CHPF: variants seen among roughly 807,000 people sequenced by gnomAD.
CHPF encodes the protein chondroitin polymerizing factor.
In CHPF, 34 loss-of-function variants were observed where a neutral mutation model predicts 55.1. The observed-to-expected ratio is 0.62, with a 90% CI of 0.47 to 0.82. The LOEUF (loss-of-function observed/expected upper bound fraction) is 0.82, where lower values mean the gene tolerates loss of function less well. CHPF is among the 40% of genes least tolerant of loss of function. The pLI, the probability that CHPF is intolerant of heterozygous loss-of-function variation, is 0.00. For synonymous variants in CHPF, 489 were observed against 496.6 expected (o/e 0.98, Z 0.20); for missense variants, 961 against 1,106.1 (o/e 0.87, Z 1.86).
rs1695319479 is a variant in CHPF, at chr2:219,543,354, G to A, written c.185C>T (p.Pro62Leu). ...CTCCGCTCCGGGCTGCACCGAGTTG[G>A]GCCGGCGCGCCGCGTTGGTGTTGCC... ...PRGNTNAARR[P>L]NSVQPGAERE... The change falls in exon 1 of 4, where the codon CCC becomes CTC. Residue 62 changes from proline to leucine, a missense_variant. Transcript: ENST00000243776. The A allele has an allele frequency of 6.4e-7, 1 of 1,564,270 alleles. No individual in the cohort carries two copies. The highest frequency in any genetic ancestry group is 8.6e-7 in the Non-Finnish European group (1 of 1,164,976).
rs1695225695 is a variant in CHPF, at chr2:219,539,836, C to T, written c.1875G>A (p.Leu625=). 3.1e-6 allele frequency: 5 copies of T among 1,613,588 alleles called. No individual in the cohort carries two copies. The highest frequency in any genetic ancestry group is 1.6e-4 in the Middle Eastern group (1 of 6,062). The change falls in exon 4 of 4, where the codon CTG becomes CTA. Residue 625 remains leucine (L), a synonymous_variant. Coordinates refer to ENST00000243776, the MANE Select transcript of CHPF (RefSeq NM_024536.6). ...AGATGGCATGCATGCGGCAGCGGTT[C>T]AGGAAGTCAGGCGTGAGCACCGTGT... ...GPDTVLTPDF[L]NRCRMHAISG... is the part of the protein sequence containing the mutation.
In CHPF at chr2:219,540,021, C is replaced by A. The variant is rs750009264; in HGVS notation, c.1690G>T (p.Ala564Ser). Residue 564 changes from alanine (A) to serine (S), a missense_variant, in exon 4 of 4, where the codon GCA (alanine) becomes TCA (serine). By Grantham distance (99) the Ala-to-Ser change is moderately conservative. Transcript: ENST00000243776. ...TCTGCCACGTGGGCCTTGACAGGTG[C>A]GAAGACATCTGCATGGGCCACGCGC... ...AQRVAHADVFAPVKAHVAELE... is the reference protein window; with the variant it reads ...AQRVAHADVFSPVKAHVAELE... The A allele has an allele frequency of 2.5e-6, 4 of 1,613,308 alleles. No homozygotes were observed. In the African/African-American group the frequency reaches 5.3e-5, roughly 22 times the overall value.
In CHPF at chr2:219,541,603, C is replaced by T. The variant is rs774914736; in HGVS notation, c.888+13G>A. The T allele has an allele frequency of 1.1e-5, 17 of 1,540,176 alleles. No homozygotes were observed. The African/African-American group carries it at 2.2e-4, about 20-fold the overall frequency. On this transcript the variant is annotated intron_variant, in intron 2 of 3. Transcript: ENST00000243776. ...TGACAAGGAGGTATCAGTGGGATAG[C>T]TTATCATCCCACCTCGTGGTCACCA...
intron 2 of CHPF, 102 bp from the exon 3 acceptor site, chr2:219,541,227 G>T (rs931433309): frequency 4.4e-6 from 5 of 1,143,040 alleles, no homozygotes; most frequent in South Asian, 1.8e-5. Flanking sequence ...TTGTGGACTT[G>T]CAGTCTGAGG....
rs371656584 is a variant in CHPF at position 219,539,536 on chromosome 2, C to T, written c.2175G>A (p.Pro725=). ...SSLHVLRAVE[P]ALLQRYRAQT... ...GGGCCCGGTAGCGCTGCAGCAGCGC[C>T]GGCTCCACCGCCCGCAGCACATGCA... The change falls in exon 4 of 4, where the codon CCG becomes CCA. Residue 725 remains proline (P), a synonymous_variant. Coordinates refer to ENST00000243776, the MANE Select transcript of CHPF (RefSeq NM_024536.6). The T allele has an allele frequency of 1.3e-5, 21 of 1,613,820 alleles. No homozygotes were observed. Among genetic ancestry groups the T allele is most frequent in the Middle Eastern group, 1.7e-4 (1 of 6,056 alleles).
intron 2 of CHPF, 113 bp from the exon 3 acceptor site, chr2:219,541,238 G>T: frequency 9.5e-7 from 1 of 1,051,368 alleles, no homozygotes; most frequent in Non-Finnish European, 1.3e-6. Flanking sequence ...CAGTCTGAGG[G>T]TTTAAGTCTA....
Position 219,542,243 on chromosome 2 carries a change from G to C in CHPF, c.315-54C>G. On this transcript the variant is annotated intron_variant, in intron 1 of 3. Transcript: ENST00000243776. The stretch of plus-strand genomic sequence containing the variant: ...AAAAGGACAACGGGGCGGGGGGTGG[G>C]GGGGAGGTGGTCAGCACAGACCCTG... The C allele has an allele frequency of 4.2e-6, 2 of 481,016 alleles. 1 individual carries two copies. Among genetic ancestry groups the C allele is most frequent in the Non-Finnish European group, 6.5e-6 (2 of 305,474 alleles). 29.8% of individuals were successfully genotyped at this position (481,016 alleles called of 1,614,324 possible).
rs1394022907 is a variant in CHPF at position 219,543,577 on chromosome 2, C to G, written c.-39G>C. 1 of 1,310,352 alleles carries G rather than the reference C, an allele frequency of 7.6e-7. No homozygotes were observed. The highest frequency in any genetic ancestry group is 9.7e-7 in the Non-Finnish European group (1 of 1,030,284). The allele number at this position is 1,310,352 out of a possible 1,614,324, so 81.2% of individuals were successfully genotyped here. ...CGGGTCCCCGGCCCCGGCGAACCCC[C>G]AGAGCAGCCAGAGGAGTCTCCGAGG... On this transcript the variant is annotated 5_prime_UTR_variant, in exon 1 of 4. Transcript: ENST00000243776.
Position 219,541,790 on chromosome 2 carries a change from G to T in CHPF, c.714C>A (p.Thr238=). 1 of 1,607,376 alleles carries T rather than the reference G, an allele frequency of 6.2e-7. No individual in the cohort carries two copies. The highest frequency in any genetic ancestry group is 1.1e-5 in the South Asian group (1 of 90,390). ...AGCCTCCGTGGCAGTAGCGGCCGGG[G>T]GTGGGCTCTCCGCCGATGAAGTCCT... The part of the protein sequence containing the change: ...RPQDFIGGEP[T]PGRYCHGGFG... The change falls in exon 2 of 4, where the codon ACC becomes ACA. Residue 238 remains threonine (T), a synonymous_variant. Coordinates refer to ENST00000243776, the MANE Select transcript of CHPF (RefSeq NM_024536.6).
Position 219,539,942 on chromosome 2 carries a change from G to T in CHPF, c.1769C>A (p.Ala590Asp). ...CATGAGGCGCAGTGGTGAGGGTGCG[G>T]CTGTCTGCACACTGAGCCATGGCAC... is the stretch of plus-strand genomic sequence containing the variant. Reference protein sequence around the residue: ...ARVPWLSVQTAAPSPLRLMDL... With the variant: ...ARVPWLSVQTDAPSPLRLMDL... Residue 590 changes from alanine to aspartate, a missense_variant, in exon 4 of 4, where the codon GCC (alanine) becomes GAC (aspartate). Around this residue, in one of 3 missense-constraint regions of CHPF, gnomAD observed 936 missense variants for 1,058.4 expected, o/e 0.88. Transcript: ENST00000243776. 6.2e-7 allele frequency: 1 copy of T among 1,613,770 alleles called. No individual in the cohort carries two copies. The highest frequency in any genetic ancestry group is 8.5e-7 in the Non-Finnish European group (1 of 1,179,968).
rs1695210255 is a variant in CHPF at position 219,539,428 on chromosome 2, C to T, written c.2283G>A (p.Gln761=). The T allele has an allele frequency of 3.1e-6, 5 of 1,611,480 alleles. No homozygotes were observed. Among genetic ancestry groups the T allele is most frequent in the Non-Finnish European group, 4.2e-6 (5 of 1,178,498 alleles). The change falls in exon 4 of 4, where the codon CAG becomes CAA. Residue 761 remains glutamine (Q), a synonymous_variant. Coordinates refer to ENST00000243776, the MANE Select transcript of CHPF (RefSeq NM_024536.6). The stretch of plus-strand genomic sequence containing the variant: ...CCTGTTCAAAGAGTAGCATGGCCAG[C>T]TGGGTTCGGGAGCCGAGGCCCTCAA... ...SVLEGLGSRT[Q]LAMLLFEQEQ... is the part of the protein sequence containing the mutation.
intron 1 of CHPF, 69 bp downstream of exon 1, chr2:219,543,156 C>T: frequency 7.3e-7 from 1 of 1,372,388 alleles, no homozygotes; most frequent in Non-Finnish European, 9.4e-7. Context: ...CTGACCCGGG[C>T]CCGGGCGACC....
At position 219,539,040 on chromosome 2, in the gene CHPF, T is replaced by A; in HGVS notation, c.*343A>T. The A allele has an allele frequency of 3.9e-6, 1 of 258,944 alleles. No individual in the cohort carries two copies. The highest frequency in any genetic ancestry group is 7.4e-6 in the Non-Finnish European group (1 of 135,962). The allele number at this position is 258,944 out of a possible 1,614,324, so 16.0% of individuals were successfully genotyped here. ...GGGAGATGCCCCCTCCTCAGCTCCCTCCTTCCCCAACAACTCTTCTACAGC... is the reference window on the plus strand; with the variant it reads ...GGGAGATGCCCCCTCCTCAGCTCCCACCTTCCCCAACAACTCTTCTACAGC... On this transcript the variant is annotated 3_prime_UTR_variant, in exon 4 of 4. Transcript: ENST00000243776.
Position 219,543,701 on chromosome 2 carries a change from C to T in CHPF, c.-163G>A, listed in dbSNP as rs568624042. 1.1e-5 allele frequency: 5 copies of T among 471,982 alleles called. No homozygotes were observed. The highest frequency in any genetic ancestry group is 1.4e-5 in the Non-Finnish European group (4 of 283,560). 29.2% of individuals were successfully genotyped at this position (471,982 alleles called of 1,614,324 possible). On this transcript the variant is annotated 5_prime_UTR_variant, in exon 1 of 4. Transcript: ENST00000243776. ...AGAGCCAGCGGCCCGAGCCGAATCCCCGGAGCCGCGCCTCGATTCCCCTCC... is the reference window on the plus strand; with the variant it reads ...AGAGCCAGCGGCCCGAGCCGAATCCTCGGAGCCGCGCCTCGATTCCCCTCC...
Position 219,540,471 on chromosome 2 carries a change from G to A in CHPF, c.1240C>T (p.Leu414=), listed in dbSNP as rs1361132295. The change falls in exon 4 of 4, where the codon CTG becomes TTG. Residue 414 remains leucine, a synonymous_variant. Transcript: ENST00000243776. ...SCADGSPRCP[L]RGADRADVAD... is the part of the protein sequence containing the mutation. ...ACATCAGCCCGGTCAGCCCCACGCA[G>A]TGGGCAGCGGGGTGAGCCATCGGCG... is the stretch of plus-strand genomic sequence containing the variant. 1 of 1,613,970 alleles carries A rather than the reference G, an allele frequency of 6.2e-7. No individual in the cohort carries two copies. Among genetic ancestry groups the A allele is most frequent in the Non-Finnish European group, 8.5e-7 (1 of 1,179,978 alleles).
chr2:219,542,807 C>T, intron 1 of CHPF: 1 of 586,890 alleles, frequency 1.7e-6, no homozygotes, highest in Non-Finnish European at 2.2e-6. Context: ...TACATTCCTC[C>T]CTCCCCCATC....
rs1318503929 is a variant in CHPF at position 219,542,018 on chromosome 2, G to A, written c.486C>T (p.Gly162=). ...CCTCGCCTAGCGTCACCACTGCCAT[G>A]CCAGGTGGGGCCCGGCGGCCCCGTG... is the stretch of plus-strand genomic sequence containing the variant. ...TGARGRRAPP[G]MAVVTLGEER... The change falls in exon 2 of 4, where the codon GGC becomes GGT. Residue 162 remains glycine (G), a synonymous_variant. Transcript: ENST00000243776. The A allele has an allele frequency of 6.3e-7, 1 of 1,597,702 alleles. No individual in the cohort carries two copies. Among genetic ancestry groups the A allele is most frequent in the South Asian group, 1.1e-5 (1 of 89,458 alleles).
At position 219,541,948 on chromosome 2, in the gene CHPF, C is replaced by G; in HGVS notation, c.556G>C (p.Glu186Gln). 3 of 1,613,076 alleles carry G rather than the reference C, an allele frequency of 1.9e-6. No individual in the cohort carries two copies. Among genetic ancestry groups the G allele is most frequent in the Non-Finnish European group, 2.5e-6 (3 of 1,179,640 alleles). The change falls in exon 2 of 4, where the codon GAG becomes CAG. Residue 186 changes from glutamate to glutamine, a missense_variant. By Grantham distance (29) the Glu-to-Gln change is conservative. Around this residue, in one of 3 missense-constraint regions of CHPF, gnomAD observed 936 missense variants for 1,058.4 expected, o/e 0.88. Transcript: ENST00000243776. ...CAGTCAAAGTCGTCGCCGTGCTGCTCCAGCAGGTGGCGCAGCGCCAGGTGC... is the reference window on the plus strand; with the variant it reads ...CAGTCAAAGTCGTCGCCGTGCTGCTGCAGCAGGTGGCGCAGCGCCAGGTGC... ...HLHLALRHLL[E>Q]QHGDDFDWFF... is the part of the protein sequence containing the mutation.
chr2:219,540,914 G>A (rs373969149), intron 3 of CHPF, 32 bp downstream of exon 3: 149 of 1,602,100 alleles, frequency 9.3e-5, no homozygotes, highest in South Asian at 3.2e-4. Flanking sequence ...TCCTGTCCCC[G>A]TCACTCTGCC....
Sources: gnomAD v4.1 joint callset for allele counts on GRCh38, gnomAD v4.1.1 for gene constraint, gnomAD v4.1.1 regional missense constraint, MANE v1.5 for transcripts, NCBI Gene and HGNC (gene_info 2026-07-23, HGNC 2026-07-21) for gene names.